IFNAR1: variants seen among roughly 807,000 people sequenced by gnomAD.
IFNAR1 encodes interferon alpha/beta receptor 1.
In IFNAR1, 47 loss-of-function variants were observed where a neutral mutation model predicts 62.1. The observed-to-expected ratio is 0.76, with a 90% CI of 0.60 to 0.97. The LOEUF (loss-of-function observed/expected upper bound fraction) is 0.97, where lower values mean the gene tolerates loss of function less well. Ranked by LOEUF, IFNAR1 falls within the 50% of genes least tolerant of loss-of-function variation. IFNAR1 has a pLI of 0.00. For synonymous variants in IFNAR1, 219 were observed against 226.9 expected (o/e 0.97, Z 0.31); for missense variants, 638 against 654.5 (o/e 0.97, Z 0.27).
rs532975886 is a variant in IFNAR1 at position 33,339,927 on chromosome 21, CAAAAAAAAA to C, written c.201-1057_201-1049del. 8.6e-5 allele frequency among the ~76,000 whole-genome samples: 7 copies of C among 81,858 alleles called. No homozygotes were observed. The South Asian group carries it at 2.2e-3, about 26-fold the overall frequency. The allele number at this position is 81,858 out of a possible 152,430, so 53.7% of individuals were successfully genotyped here. On this transcript the variant is annotated intron_variant, in intron 2 of 10. Coordinates refer to ENST00000270139, the MANE Select transcript of IFNAR1 (RefSeq NM_000629.3). ...TGGGCAACAGAGTAAGACTCTGTCT[CAAAAAAAAA>C]AAAAAAAAAAAAAAGAAATCTGCTA...
At chr21:33,327,475 C>T (rs1454691703) in intron 1 of IFNAR1, among the ~76,000 whole-genome samples, 5 of 152,196 alleles carry the variant, frequency 3.3e-5, no homozygotes, top group African/African-American at 1.2e-4. Context: ...GATCAAGTAA[C>T]TTGCCTGAGG....
Position 33,358,483 on chromosome 21 carries a change from T to C in IFNAR1, c.*2934T>C, listed in dbSNP as rs535237861. 3.9e-5 allele frequency: 6 copies of C among 152,078 alleles called. No individual in the cohort carries two copies. The highest frequency in any genetic ancestry group is 1.4e-4 in the African/African-American group (6 of 41,492). The allele number at this position is 152,078 out of a possible 1,614,324, so 9.4% of individuals were successfully genotyped here. On this transcript the variant is annotated 3_prime_UTR_variant, in exon 11 of 11. Coordinates refer to ENST00000270139, the MANE Select transcript of IFNAR1 (RefSeq NM_000629.3). ...TAATATATAATACAGATTAACATTA[T>C]ATATAATATGTACCTGTGTCACTTC...
At chr21:33,326,212 C>CTTT (rs3989181) in intron 1 of IFNAR1, among the ~76,000 whole-genome samples, 7,098 of 138,224 alleles carry the variant, frequency 0.051, 281 homozygotes, top group Non-Finnish European at 0.075. Flanking sequence ...TTTATTTATA[C>CTTT]TTTTTTTTTT....
At chr21:33,339,278 G>GT (rs758458345) in intron 2 of IFNAR1, among the ~76,000 whole-genome samples, 27 of 152,252 alleles carry the variant, frequency 1.8e-4, no homozygotes, top group Non-Finnish European at 3.7e-4. Flanking sequence ...TTTCAAGAAT[G>GT]TTTAAGGTAT....
chr21:33,353,578 A>G, intron 9 of IFNAR1, 60 bp from the exon 10 acceptor site: 1 of 907,720 alleles, frequency 1.1e-6, no homozygotes, highest in South Asian at 1.7e-5. Flanking sequence ...CACAGCTGTC[A>G]GCACTGTTAA....
intron 1 of IFNAR1, among the ~76,000 whole-genome samples, chr21:33,335,305 G>GA (rs577233366): frequency 2.6e-5 from 4 of 151,794 alleles, no homozygotes; most frequent in Admixed American, 2.0e-4. Flanking sequence ...TTTCAAAGAG[G>GA]AAAAAAAATC....
At chr21:33,326,837 G>A (rs562039459) in intron 1 of IFNAR1, among the ~76,000 whole-genome samples, 6 of 151,830 alleles carry the variant, frequency 4.0e-5, no homozygotes, top group Non-Finnish European at 5.9e-5. Flanking sequence ...AAGGCAGGGC[G>A]TCACCAGGCT....
chr21:33,343,500 C>CT lies in IFNAR1; in HGVS notation c.532-29dup, dbSNP rs745353751. 84 of 1,552,910 alleles carry CT rather than the reference C, an allele frequency of 5.4e-5. No homozygotes were observed. In the African/African-American group the frequency reaches 9.6e-4, roughly 18 times the overall value. ...ATTAATCCTAAAATTTGACTTTATA[C>CT]TTTTTTAAAGAACCAACTTATATTT... On this transcript the variant is annotated intron_variant, in intron 4 of 10. Transcript: ENST00000270139.
At chr21:33,348,847 A>C (rs1424013387) in intron 6 of IFNAR1, among the ~76,000 whole-genome samples, 1 of 152,106 alleles carries the variant, frequency 6.6e-6, no homozygotes, top group East Asian at 1.9e-4. Flanking sequence ...GCATTCCTGG[A>C]AATTCTAACT....
chr21:33,337,886 TG>T (rs2083258165), intron 2 of IFNAR1, among the ~76,000 whole-genome samples: 1 of 152,184 alleles, frequency 6.6e-6, no homozygotes, highest in Non-Finnish European at 1.5e-5. Context: ...ACTTTGAGTT[TG>T]GTTACCAGTT....
rs17875882 is a variant in IFNAR1 at position 33,346,205 on chromosome 21, A to T, written c.788+845A>T. 4.8e-3 allele frequency among the ~76,000 whole-genome samples: 733 copies of T among 152,326 alleles called. 13 individuals are homozygous for T. Among genetic ancestry groups the T allele is most frequent in the Non-Finnish European group, 6.1e-3 (416 of 68,028 alleles). On this transcript the variant is annotated intron_variant, in intron 6 of 10. Coordinates refer to ENST00000270139, the MANE Select transcript of IFNAR1 (RefSeq NM_000629.3). The stretch of plus-strand genomic sequence containing the variant: ...AAAGAGAAGAGGAAAATTAAGTAGA[A>T]GGAAAAATGGGTTATGGGGAGAAAA...
chr21:33,343,416 T>G lies in IFNAR1; in HGVS notation c.525T>G (p.Gly175=). The G allele has an allele frequency of 6.2e-7, 1 of 1,610,864 alleles. No individual in the cohort carries two copies. Among genetic ancestry groups the G allele is most frequent in the South Asian group, 1.1e-5 (1 of 90,610 alleles). The change falls in exon 4 of 11, where the codon GGT becomes GGG. Residue 175 remains glycine, a synonymous_variant. Coordinates refer to ENST00000270139, the MANE Select transcript of IFNAR1 (RefSeq NM_000629.3). ...YSLVIWKNSS[G]VEERIENIYS... Reference sequence around the variant, plus strand: ...TAGTTATCTGGAAAAACTCTTCAGGTGTAGAAGTAAGCATTATTTTTACCT... The same window carrying G: ...TAGTTATCTGGAAAAACTCTTCAGGGGTAGAAGTAAGCATTATTTTTACCT...
chr21:33,335,022 A>G (rs996923077), intron 1 of IFNAR1: 63 of 1,438,828 alleles, frequency 4.4e-5, no homozygotes, highest in East Asian at 2.3e-4. Context: ...GCACTGGTCA[A>G]TTATTTGTGA....
chr21:33,347,077 A>G (rs772829694), intron 6 of IFNAR1, among the ~76,000 whole-genome samples: 1 of 151,634 alleles, frequency 6.6e-6, no homozygotes, highest in East Asian at 1.9e-4. Flanking sequence ...TCTAGAGCTC[A>G]TGGTGGCTCA....
intron 8 of IFNAR1, among the ~76,000 whole-genome samples, chr21:33,352,208 T>C (rs959926007): frequency 1.3e-5 from 2 of 152,192 alleles, no homozygotes; most frequent in African/African-American, 4.8e-5. Context: ...TACCCCAGAC[T>C]TGGCATGTAC....
chr21:33,335,220 G>T, intron 1 of IFNAR1: 1 of 456,472 alleles, frequency 2.2e-6, no homozygotes, highest in Non-Finnish European at 4.0e-6. Context: ...TGACTCATCG[G>T]TGTCACTTCT....
At position 33,349,130 on chromosome 21, in the gene IFNAR1, A is replaced by C. The variant is rs754601687; in HGVS notation, c.828A>C (p.Lys276Asn). 6.2e-7 allele frequency: 1 copy of C among 1,611,400 alleles called. No homozygotes were observed. The highest frequency in any genetic ancestry group is 8.5e-7 in the Non-Finnish European group (1 of 1,178,644). ...LKRNPGNHLY[K>N]WKQIPDCENV... ...GGAATCCTGGAAACCATTTGTATAA[A>C]TGGAAACAAATACCTGACTGTGAAA... The change falls in exon 7 of 11, where the codon AAA (lysine) becomes AAC (asparagine). Residue 276 changes from lysine to asparagine, a missense_variant. Lys to Asn is a moderately conservative substitution (Grantham distance 94, BLOSUM62 0). Transcript: ENST00000270139.
rs150719842 is a variant in IFNAR1 at position 33,331,031 on chromosome 21, T to C, written c.77-4493T>C. On this transcript the variant is annotated intron_variant, in intron 1 of 10. Coordinates refer to ENST00000270139, the MANE Select transcript of IFNAR1 (RefSeq NM_000629.3). ...CTTGGAACTGGAACTACTTCTGGAG[T>C]GTGTCTTGCTTCGGGGACTTGTAGC... 2.6e-5 allele frequency among the ~76,000 whole-genome samples: 4 copies of C among 152,192 alleles called. 1 individual carries two copies. The highest frequency in any genetic ancestry group is 7.2e-5 in the African/African-American group (3 of 41,530).
At position 33,340,872 on chromosome 21, in the gene IFNAR1, T is replaced by C. The variant is rs1356748655; in HGVS notation, c.201-127T>C. Reference sequence around the variant, plus strand: ...GAAGAAATAACTCTTAAACCAAAAATAGAAATAACTCTTAAACAAGAGTTA... The same window carrying C: ...GAAGAAATAACTCTTAAACCAAAAACAGAAATAACTCTTAAACAAGAGTTA... On this transcript the variant is annotated intron_variant, in intron 2 of 10. Transcript: ENST00000270139. 1.6e-5 allele frequency: 10 copies of C among 623,614 alleles called. 1 individual carries two copies. In the East Asian group the frequency reaches 2.2e-4, roughly 14 times the overall value. 38.6% of individuals were successfully genotyped at this position (623,614 alleles called of 1,614,324 possible). A position where few individuals can be genotyped will look rare whatever the true frequency, so the allele number is the denominator to read the frequency against.
Sources: gnomAD v4.1 joint callset for allele counts (sites outside exome capture counted in the v4.1 genomes callset) on GRCh38, gnomAD v4.1.1 for gene constraint, MANE v1.5 for transcripts, NCBI Gene and HGNC (gene_info 2026-07-23, HGNC 2026-07-21) for gene names.